STAU2: variants seen among roughly 807,000 people sequenced by gnomAD.
STAU2 encodes the protein staufen double-stranded RNA binding protein 2.
Under a neutral mutation model 65.9 loss-of-function variants are expected in STAU2, and 20 were observed. The ratio of observed to expected loss-of-function variants is 0.30; its 90% CI spans 0.21 to 0.44. The LOEUF (loss-of-function observed/expected upper bound fraction) is 0.44. Ranked by LOEUF, STAU2 falls within the 20% of genes least tolerant of loss-of-function variation. STAU2 has a pLI of 1.00. For synonymous variants in STAU2, 232 were observed against 233.9 expected (o/e 0.99, Z 0.07); for missense variants, 558 against 683.9 (o/e 0.82, Z 2.05).
intron 6 of STAU2, among the ~76,000 whole-genome samples, chr8:73,626,369 G>C (rs750365238): frequency 6.6e-6 from 1 of 152,220 alleles, no homozygotes; most frequent in Non-Finnish European, 1.5e-5. Context: ...CTGAGTCAAG[G>C]AATGATTAGT....
intron 1 of STAU2, among the ~76,000 whole-genome samples, chr8:73,741,577 A>G (rs1034325140): frequency 1.8e-4 from 28 of 151,432 alleles, no homozygotes; most frequent in Non-Finnish European, 3.7e-4. Context: ...CAACAGCTCA[A>G]TCTCAGCTCA....
intron 13 of STAU2, among the ~76,000 whole-genome samples, chr8:73,498,587 G>A (rs1821559938): frequency 6.6e-6 from 1 of 151,642 alleles, no homozygotes; most frequent in African/African-American, 2.4e-5. Flanking sequence ...TGTTCATCAA[G>A]TATTTGTGTA....
chr8:73,736,039 A>G (rs114051298), intron 3 of STAU2, among the ~76,000 whole-genome samples: 1,562 of 152,342 alleles, frequency 0.01, 24 homozygotes, highest in African/African-American at 0.036. Context: ...AGCAGCTGTG[A>G]GGAAACAGGA....
intron 3 of STAU2, among the ~76,000 whole-genome samples, chr8:73,731,802 G>A (rs971954898): frequency 1.3e-5 from 2 of 152,006 alleles, no homozygotes; most frequent in African/African-American, 2.4e-5. Flanking sequence ...AGCCAGGTGC[G>A]GTGGTGCACG....
chr8:73,704,793 C>T (rs1220288500), intron 4 of STAU2, among the ~76,000 whole-genome samples: 5 of 152,132 alleles, frequency 3.3e-5, no homozygotes, highest in Non-Finnish European at 5.9e-5. Flanking sequence ...CTCAGCCTCC[C>T]GAGCAGCTGG....
intron 13 of STAU2, among the ~76,000 whole-genome samples, chr8:73,496,928 T>G (rs1347727709): frequency 6.6e-6 from 1 of 151,736 alleles, no homozygotes; most frequent in Admixed American, 6.6e-5. Context: ...CCTTTCAGTT[T>G]TATAATTTTT....
At chr8:73,448,989 G>A (rs1818639348) in intron 13 of STAU2, among the ~76,000 whole-genome samples, 1 of 152,232 alleles carries the variant, frequency 6.6e-6, no homozygotes. Flanking sequence ...TCCTGGACGA[G>A]GGGCAGCCCG....
At chr8:73,708,792 C>T (rs1183820235) in intron 4 of STAU2, among the ~76,000 whole-genome samples, 1 of 152,016 alleles carries the variant, frequency 6.6e-6, no homozygotes, top group Non-Finnish European at 1.5e-5. Context: ...ATCAAAAATC[C>T]ATATATCATG....
intron 9 of STAU2, among the ~76,000 whole-genome samples, chr8:73,607,097 C>T (rs908303916): frequency 3.1e-4 from 47 of 152,104 alleles, no homozygotes; most frequent in African/African-American, 8.2e-4. Flanking sequence ...CAAACAAATA[C>T]GAAAACATAT....
At chr8:73,518,766 G>C (rs1470418001) in intron 13 of STAU2, among the ~76,000 whole-genome samples, 2 of 151,922 alleles carry the variant, frequency 1.3e-5, no homozygotes, top group Admixed American at 6.6e-5. Context: ...AGAAGCTCCT[G>C]GTGACTTTTC....
At chr8:73,687,337 T>TTTATATTTATATTTATAAACATAAA (rs1563506804) in intron 5 of STAU2, among the ~76,000 whole-genome samples, 1 of 100,904 alleles carries the variant, frequency 9.9e-6, no homozygotes, top group Non-Finnish European at 1.8e-5. Context: ...ATAAATATAA[T>TTTATATTTATATTTATAAACATAAA]TTATATTTAT....
intron 12 of STAU2, among the ~76,000 whole-genome samples, chr8:73,570,400 C>A (rs1444103712): frequency 1.3e-5 from 2 of 151,328 alleles, no homozygotes. Context: ...AGGATATTAT[C>A]CAGGAGAACT....
chr8:73,711,042 C>A (rs1820853766), intron 3 of STAU2, among the ~76,000 whole-genome samples: 1 of 138,948 alleles, frequency 7.2e-6, no homozygotes, highest in Non-Finnish European at 1.5e-5. Context: ...CTGGTAAGAC[C>A]TAAGTAAAAA....
At chr8:73,623,279 T>C (rs1813397780) in intron 6 of STAU2, among the ~76,000 whole-genome samples, 2 of 152,188 alleles carry the variant, frequency 1.3e-5, no homozygotes, top group Admixed American at 6.5e-5. Context: ...ATCCCGTATG[T>C]CCTCCCTACC....
intron 6 of STAU2, among the ~76,000 whole-genome samples, chr8:73,671,780 T>C (rs1219155118): frequency 6.6e-6 from 1 of 152,224 alleles, no homozygotes. Context: ...CCCAGCACTT[T>C]GGGAGGCCGA....
intron 6 of STAU2, among the ~76,000 whole-genome samples, chr8:73,637,463 T>TTA (rs1563473627): frequency 8.8e-5 from 5 of 56,586 alleles, no homozygotes; most frequent in African/African-American, 3.1e-4. Context: ...AAAGTCTTTA[T>TTA]AAAGTGCTGA....
At chr8:73,542,448 T>C (rs1325237744) in intron 13 of STAU2, among the ~76,000 whole-genome samples, 1 of 152,124 alleles carries the variant, frequency 6.6e-6, no homozygotes, top group Non-Finnish European at 1.5e-5. Context: ...CAGATTAGAC[T>C]AAGAAGGCAT....
chr8:73,607,732 C>T (rs1035779237), intron 9 of STAU2, among the ~76,000 whole-genome samples: 14 of 144,306 alleles, frequency 9.7e-5, no homozygotes, highest in African/African-American at 1.6e-4. Context: ...AGCGAAACTC[C>T]GTCTCAAAAA....
chr8:73,464,604 A>ATACG (rs200374991), intron 13 of STAU2, among the ~76,000 whole-genome samples: 1 of 74,612 alleles, frequency 1.3e-5, no homozygotes, highest in African/African-American at 8.0e-5. Context: ...GCACGCGCAC[A>ATACG]CACACACACA....
Sources: gnomAD v4.1 joint callset for allele counts (sites outside exome capture counted in the v4.1 genomes callset) on GRCh38, gnomAD v4.1.1 for gene constraint, MANE v1.5 for transcripts, NCBI Gene and HGNC (gene_info 2026-07-23, HGNC 2026-07-21) for gene names.